IQSEC2: variants seen among roughly 807,000 people sequenced by gnomAD.
IQSEC2 encodes the protein IQ motif and SEC7 domain-containing protein 2.
A neutral mutation model predicts 74.6 loss-of-function variants in IQSEC2; 6 were observed. The ratio of observed to expected loss-of-function variants is 0.08; its 90% CI spans 0.04 to 0.16. The LOEUF (loss-of-function observed/expected upper bound fraction) is 0.16, where lower values mean the gene tolerates loss of function less well. Among genes scored for constraint, IQSEC2 ranks in the 10% least tolerant of loss-of-function variants. The pLI is 1.00. For missense variants in IQSEC2, 734 were observed against 1,306.2 expected (o/e 0.56, Z 6.75); for synonymous variants, 494 against 544.5 (o/e 0.91, Z 1.29).
intron 1 of IQSEC2, among the ~76,000 whole-genome samples, chrX:53,301,967 G>C (rs978214161): frequency 3.6e-5 from 4 of 112,282 alleles, no homozygotes; most frequent in Non-Finnish European, 7.5e-5. Flanking sequence ...TATGAGTCCA[G>C]GCTTTAGGTC....
intron 4 of IQSEC2, among the ~76,000 whole-genome samples, chrX:53,252,189 T>C: frequency 9.0e-6 from 1 of 111,439 alleles, no homozygotes; most frequent in African/African-American, 3.3e-5. Context: ...GCCTCCCCAG[T>C]AGCAGGGATT....
chrX:53,291,931 G>T lies in IQSEC2; in HGVS notation c.708-7C>A. 1 of 1,165,667 alleles carries T rather than the reference G, an allele frequency of 8.6e-7. No homozygotes were observed. Among genetic ancestry groups the T allele is most frequent in the Non-Finnish European group, 1.1e-6 (1 of 871,222 alleles). ...GGAATTCTCACCATCAGATCTGAAAGGGAAACAGAGAAAAAAAACCAAAAC... is the reference window on the plus strand; with the variant it reads ...GGAATTCTCACCATCAGATCTGAAATGGAAACAGAGAAAAAAAACCAAAAC... On this transcript the variant is annotated splice_polypyrimidine_tract_variant and splice_region_variant and intron_variant, in intron 1 of 14. Coordinates refer to ENST00000642864, the MANE Select transcript of IQSEC2 (RefSeq NM_001111125.3).
At chrX:53,280,913 G>T (rs180748835) in intron 2 of IQSEC2, among the ~76,000 whole-genome samples, 65 of 112,446 alleles carry the variant, frequency 5.8e-4, no homozygotes, top group Non-Finnish European at 1.1e-3. Flanking sequence ...GCAGACTGTG[G>T]TCAGGGCCTG....
intron 2 of IQSEC2, 90 bp downstream of exon 2, chrX:53,291,805 T>C: frequency 1.2e-6 from 1 of 858,807 alleles, no homozygotes; most frequent in Non-Finnish European, 1.6e-6. Flanking sequence ...CCCCTCCCCT[T>C]GCCCATGGAT....
rs1220973024 is a variant in IQSEC2, at chrX:53,247,066, A to G, written c.2652T>C (p.Leu884=). The G allele has an allele frequency of 7.4e-6, 9 of 1,210,926 alleles. No individual in the cohort carries two copies. The highest frequency in any genetic ancestry group is 8.9e-6 in the Non-Finnish European group (8 of 895,054). Residue 884 remains leucine (L), a synonymous_variant, in exon 8 of 15, where the codon CTT becomes CTC. Coordinates refer to ENST00000642864, the MANE Select transcript of IQSEC2 (RefSeq NM_001111125.3). ...TATTGAGGAGGATGATGGCAAAAGC[A>G]AGGATGAAGATGGTGTCTGGGTTCC... ...QFRNPDTIFI[L]AFAIILLNTD... is the part of the protein sequence containing the mutation.
In IQSEC2 at chrX:53,233,503, T is replaced by C. The variant is rs1312268670; in HGVS notation, c.*716A>G. 7.8e-6 allele frequency: 1 copy of C among 127,787 alleles called. No individual in the cohort carries two copies. Among genetic ancestry groups the C allele is most frequent in the African/African-American group, 3.2e-5 (1 of 31,669 alleles). 10.5% of individuals were successfully genotyped at this position (127,787 alleles called of 1,213,427 possible). On this transcript the variant is annotated 3_prime_UTR_variant, in exon 15 of 15. Coordinates refer to ENST00000642864, the MANE Select transcript of IQSEC2 (RefSeq NM_001111125.3). ...CCCCCCCCAAAACCTGTCTGGACTT[T>C]GATCAGGATAAGAACGTTGCAGGGC...
rs1470768033 is a variant in IQSEC2 at position 53,239,341 on chromosome X, G to A, written c.3016-47C>T. 3 of 794,895 alleles carry A rather than the reference G, an allele frequency of 3.8e-6. No individual in the cohort carries two copies. The African/African-American group carries it at 6.1e-5, about 16-fold the overall frequency. 65.5% of individuals were successfully genotyped at this position (794,895 alleles called of 1,213,427 possible). Reference sequence around the variant, plus strand: ...GACAAGAGGCAGCGCTTTGGGTGGGGGATTTCCACGTGGCACCTATTTCTG... The same window carrying A: ...GACAAGAGGCAGCGCTTTGGGTGGGAGATTTCCACGTGGCACCTATTTCTG... On this transcript the variant is annotated intron_variant, in intron 10 of 14. Transcript: ENST00000642864.
At chrX:53,248,301 G>C in intron 6 of IQSEC2, 65 bp from the exon 7 acceptor site, 10 of 1,173,006 alleles carry the variant, frequency 8.5e-6, no homozygotes, top group Non-Finnish European at 1.1e-5. Context: ...GACCCACCTG[G>C]ACCTGCTCAA....
chrX:53,243,446 G>A lies in IQSEC2; in HGVS notation c.2775C>T (p.Pro925=), dbSNP rs371055459. The change falls in exon 9 of 15, where the codon CCC becomes CCT. Residue 925 remains proline, a synonymous_variant. Coordinates refer to ENST00000642864, the MANE Select transcript of IQSEC2 (RefSeq NM_001111125.3). The part of the protein sequence containing the change: ...LRGVDNGEDI[P]RDLLVGIYQR... ...GGTAGATGCCCACCAGGAGGTCTCG[G>A]GGGATGTCTTCACCATTGTCAACCC... 6 of 1,178,083 alleles carry A rather than the reference G, an allele frequency of 5.1e-6. No individual in the cohort carries two copies. Among genetic ancestry groups the A allele is most frequent in the Non-Finnish European group, 6.8e-6 (6 of 877,909 alleles).
chrX:53,292,028 A>C, intron 1 of IQSEC2, 104 bp from the exon 2 acceptor site: 1 of 637,655 alleles, frequency 1.6e-6, no homozygotes, highest in Non-Finnish European at 2.4e-6. Flanking sequence ...CCTAATGCAC[A>C]TCACAAAAAT....
intron 2 of IQSEC2, among the ~76,000 whole-genome samples, chrX:53,271,697 C>T (rs1453512013): frequency 1.8e-5 from 2 of 111,931 alleles, no homozygotes; most frequent in African/African-American, 3.2e-5. Context: ...CCAGTTTAGG[C>T]CTTCCAGCTG....
chrX:53,259,371 G>C (rs1270659700), intron 2 of IQSEC2, among the ~76,000 whole-genome samples: 4 of 103,692 alleles, frequency 3.9e-5, no homozygotes, highest in Admixed American at 2.1e-4. Context: ...CAGGTGTGGT[G>C]GTGGGCCCCT....
rs1556859040 is a variant in IQSEC2, at chrX:53,234,533, G to A, written c.4153C>T (p.Pro1385Ser). Reference protein sequence around the residue: ...PQHPPAHKQGPKHFIFSHHPQ... With the variant: ...PQHPPAHKQGSKHFIFSHHPQ... ...TGGTGGCTGAAGATGAAGTGCTTAGGGCCCTGTTTGTGGGCTGGAGGGTGC... is the reference window on the plus strand; with the variant it reads ...TGGTGGCTGAAGATGAAGTGCTTAGAGCCCTGTTTGTGGGCTGGAGGGTGC... Residue 1385 changes from proline to serine, a missense_variant, in exon 15 of 15, where the codon CCT becomes TCT. Physicochemically the swap from Pro to Ser is moderately conservative, Grantham distance 74 (BLOSUM62 -1). Coordinates refer to ENST00000642864, the MANE Select transcript of IQSEC2 (RefSeq NM_001111125.3). 3.6e-6 allele frequency: 4 copies of A among 1,108,364 alleles called. No individual in the cohort carries two copies. Among genetic ancestry groups the A allele is most frequent in the Non-Finnish European group, 4.7e-6 (4 of 842,425 alleles). The allele number at this position is 1,108,364 out of a possible 1,213,427, so 91.3% of individuals were successfully genotyped here.
intron 10 of IQSEC2, among the ~76,000 whole-genome samples, chrX:53,241,218 G>A (rs1414630080): frequency 3.6e-5 from 4 of 111,123 alleles, no homozygotes; most frequent in Admixed American, 9.5e-5. Context: ...TGATCCTCCC[G>A]ACTCAGCCTC....
rs1556865719 is a variant in IQSEC2 at position 53,258,198 on chromosome X, G to A, written c.738-2137C>T. ...GATTCAGGTCATATGCCACCACTAA[G>A]AAGCCCTCCTGAATCCCGCCTCCAG... On this transcript the variant is annotated intron_variant, in intron 2 of 14. Transcript: ENST00000642864. Among the ~76,000 whole-genome samples the A allele has an allele frequency of 3.6e-5, 4 of 111,960 alleles. 1 individual carries two copies. Among genetic ancestry groups the A allele is most frequent in the African/African-American group, 1.3e-4 (4 of 30,775 alleles).
intron 4 of IQSEC2, among the ~76,000 whole-genome samples, chrX:53,254,214 C>T (rs1336660871): frequency 9.2e-6 from 1 of 109,197 alleles, no homozygotes; most frequent in Non-Finnish European, 1.9e-5. Context: ...CCTGCAATCC[C>T]AGCTACTCGG....
chrX:53,240,544 G>A (rs1011872855), intron 10 of IQSEC2, among the ~76,000 whole-genome samples: 7 of 112,233 alleles, frequency 6.2e-5, no homozygotes, highest in African/African-American at 2.3e-4. Flanking sequence ...GCAGATGGCT[G>A]GAAGAAACCC....
chrX:53,258,786 G>A (rs2074515948), intron 2 of IQSEC2, among the ~76,000 whole-genome samples: 1 of 111,338 alleles, frequency 9.0e-6, no homozygotes, highest in Non-Finnish European at 1.9e-5. Flanking sequence ...AGAGGTTGCA[G>A]TGAGCCAAGA....
At chrX:53,290,873 A>G (rs1175953435) in intron 2 of IQSEC2, among the ~76,000 whole-genome samples, 4 of 112,708 alleles carry the variant, frequency 3.5e-5, no homozygotes, top group Non-Finnish European at 7.5e-5. Context: ...CCTTTCACAA[A>G]GGGTCACAGC....
Sources: gnomAD v4.1 joint callset for allele counts (sites outside exome capture counted in the v4.1 genomes callset) on GRCh38, gnomAD v4.1.1 for gene constraint, MANE v1.5 for transcripts, NCBI Gene and HGNC (gene_info 2026-07-23, HGNC 2026-07-21) for gene names.